The following PHTF2 variants were observed in gnomAD, a reference collection of about 807,000 sequenced individuals.
The protein encoded by PHTF2 is protein PHTF2.
Under a neutral mutation model 101.2 loss-of-function variants are expected in PHTF2, and 60 were observed. The ratio of observed to expected loss-of-function variants is 0.59; its 90% CI spans 0.48 to 0.73. PHTF2 has a LOEUF of 0.73. Ranked by LOEUF, PHTF2 falls within the 30% of genes least tolerant of loss-of-function variation. The pLI is 0.00. For missense variants in PHTF2, 747 were observed against 908.7 expected, an observed-to-expected ratio of 0.82 and a Z score of 2.29; for synonymous variants, 311 against 307.3, an observed-to-expected ratio of 1.01 and a Z score of -0.13.
At chr7:77,949,246 T>C (rs939252075) in intron 16 of PHTF2, among the ~76,000 whole-genome samples, 8 of 152,058 alleles carry the variant, frequency 5.3e-5, no homozygotes, top group South Asian at 2.1e-4. Flanking sequence ...CCTTTTTTTT[T>C]CCAACTCCCA....
intron 8 of PHTF2, 115 bp downstream of exon 7, chr7:77,909,073 C>CA (rs1226536312): frequency 4.1e-5 from 23 of 554,674 alleles, no homozygotes; most frequent in Non-Finnish European, 5.6e-5. Flanking sequence ...GTTGCTGTTT[C>CA]AAAAAAACAC....
chr7:77,907,335 T>A (rs907956498), intron 7 of PHTF2, among the ~76,000 whole-genome samples: 7 of 152,148 alleles, frequency 4.6e-5, no homozygotes, highest in Non-Finnish European at 8.8e-5. Context: ...TATATTAAAG[T>A]GTATTAGCAG....
intron 1 of PHTF2, among the ~76,000 whole-genome samples, chr7:77,833,210 C>T (rs117242166): frequency 0.012 from 1,853 of 152,248 alleles, 15 homozygotes; most frequent in Middle Eastern, 0.031. Flanking sequence ...GAAGTCTTGT[C>T]AAAATCTTCC....
intron 1 of PHTF2, among the ~76,000 whole-genome samples, chr7:77,837,883 C>A (rs1183303496): frequency 1.3e-5 from 2 of 151,868 alleles, no homozygotes; most frequent in Admixed American, 6.6e-5. Context: ...GTGATAAAAT[C>A]CTTTCACGTT....
chr7:77,816,390 T>C (rs987670874), intron 1 of PHTF2, among the ~76,000 whole-genome samples: 9 of 152,178 alleles, frequency 5.9e-5, no homozygotes, highest in Non-Finnish European at 1.3e-4. Flanking sequence ...TAACTTTTAA[T>C]AGTTTGCCTG....
chr7:77,843,964 C>T (rs1399826122), intron 2 of PHTF2, among the ~76,000 whole-genome samples: 1 of 152,050 alleles, frequency 6.6e-6, no homozygotes, highest in Non-Finnish European at 1.5e-5. Context: ...AAACATTTAT[C>T]TTCATTTTCT....
At chr7:77,913,714 GT>G (rs1265949116) in intron 9 of PHTF2, among the ~76,000 whole-genome samples, 1 of 152,124 alleles carries the variant, frequency 6.6e-6, no homozygotes, top group Non-Finnish European at 1.5e-5. Context: ...CTCCCAAAGT[GT>G]TGAGATTACA....
chr7:77,891,514 G>T (rs1800404205), intron 3 of PHTF2, among the ~76,000 whole-genome samples: 1 of 152,098 alleles, frequency 6.6e-6, no homozygotes, highest in African/African-American at 2.4e-5. Context: ...TAAGTATGTT[G>T]TTTGGTCTAG....
chr7:77,824,503 G>A (rs914332495), intron 1 of PHTF2, among the ~76,000 whole-genome samples: 22 of 152,036 alleles, frequency 1.4e-4, no homozygotes, highest in African/African-American at 5.3e-4. Context: ...TCGGCTCACT[G>A]CAACCTCCAC....
At chr7:77,862,818 A>G (rs1797751615) in intron 3 of PHTF2, among the ~76,000 whole-genome samples, 1 of 152,204 alleles carries the variant, frequency 6.6e-6, no homozygotes, top group Non-Finnish European at 1.5e-5. Flanking sequence ...ATAAAGTAGT[A>G]GATTACTGTT....
chr7:77,928,984 C>T (rs1804314567), intron 11 of PHTF2, 125 bp from the exon 11 acceptor site: 2 of 625,912 alleles, frequency 3.2e-6, no homozygotes, highest in South Asian at 4.2e-5. Flanking sequence ...TTTGCTGTCT[C>T]ACTATCTTTT....
At chr7:77,834,506 C>T (rs1584437093) in intron 1 of PHTF2, among the ~76,000 whole-genome samples, 1 of 152,046 alleles carries the variant, frequency 6.6e-6, no homozygotes, top group African/African-American at 2.4e-5. Context: ...AACAGTTGCC[C>T]CCAGGCTTGG....
intron 1 of PHTF2, among the ~76,000 whole-genome samples, chr7:77,809,536 A>G (rs925353951): frequency 1.3e-5 from 2 of 152,082 alleles, no homozygotes; most frequent in Non-Finnish European, 2.9e-5. Flanking sequence ...CATAAACCCA[A>G]TTCTTATTGA....
intron 3 of PHTF2, among the ~76,000 whole-genome samples, chr7:77,873,596 C>G (rs1429582590): frequency 6.6e-6 from 1 of 152,126 alleles, no homozygotes; most frequent in Non-Finnish European, 1.5e-5. Context: ...ACTGTTGCCT[C>G]AGGCAGCACA....
At chr7:77,935,740 T>C (rs1395688016) in intron 12 of PHTF2, among the ~76,000 whole-genome samples, 2 of 152,238 alleles carry the variant, frequency 1.3e-5, no homozygotes, top group East Asian at 3.8e-4. Flanking sequence ...TTTCTTCATG[T>C]AATTAGGAAG....
chr7:77,923,273 C>T, intron 11 of PHTF2: 2 of 885,604 alleles, frequency 2.3e-6, no homozygotes, highest in African/African-American at 3.6e-5. Context: ...ATCTCTTGAG[C>T]TTCAAATTGT....
intron 1 of PHTF2, among the ~76,000 whole-genome samples, chr7:77,838,119 C>A (rs1457871118): frequency 1.3e-5 from 2 of 152,116 alleles, no homozygotes; most frequent in Non-Finnish European, 2.9e-5. Flanking sequence ...CAAACAAATA[C>A]AATGAAGGTG....
At chr7:77,954,938 C>CTGAAAGCT in exon 20 of PHTF2, 1 of 901,966 alleles carries the variant, frequency 1.1e-6, no homozygotes, top group Non-Finnish European at 1.7e-6. Context: ...ACTAAGCTGC[C>CTGAAAGCT]TGAAAGCTTG....
chr7:77,818,097 C>T (rs1197012053), intron 1 of PHTF2, among the ~76,000 whole-genome samples: 1 of 136,114 alleles, frequency 7.3e-6, no homozygotes, highest in African/African-American at 2.7e-5. Flanking sequence ...GCAATGAGAG[C>T]AAAACTCCGT....
Sources: allele counts gnomAD v4.1 joint callset (sites outside exome capture counted in the v4.1 genomes callset), GRCh38; gene constraint gnomAD v4.1.1; transcripts MANE v1.5; gene names NCBI Gene and HGNC (gene_info 2026-07-23, HGNC 2026-07-21).